Variants in ADAM22 observed in about 807,000 individuals in gnomAD.
ADAM22 encodes ADAM metallopeptidase domain 22, also known as disintegrin and metalloproteinase domain-containing protein 22.
Under a neutral mutation model 144.6 loss-of-function variants are expected in ADAM22, and 65 were observed. That is an observed-to-expected ratio of 0.45 (90% CI 0.37 to 0.55). The LOEUF (loss-of-function observed/expected upper bound fraction) is 0.55, where lower values mean the gene tolerates loss of function less well. Among genes scored for constraint, ADAM22 ranks in the 20% least tolerant of loss-of-function variants. The probability of loss-of-function intolerance (pLI) is 0.00; values close to 1 mark genes in which losing one functional copy is unlikely to be tolerated. For missense variants in ADAM22, 974 were observed against 1,184.9 expected, an observed-to-expected ratio of 0.82 and a Z score of 2.61; for synonymous variants, 391 against 412.6, an observed-to-expected ratio of 0.95 and a Z score of 0.63.
At chr7:87,991,527 C>T (rs376714710) in intron 3 of ADAM22, among the ~76,000 whole-genome samples, 8 of 151,844 alleles carry the variant, frequency 5.3e-5, no homozygotes, top group East Asian at 1.9e-4. Context: ...CCACCGCGCC[C>T]GGCTAATTTT....
chr7:87,950,172 T>C (rs1274744412), intron 2 of ADAM22, among the ~76,000 whole-genome samples: 1 of 152,050 alleles, frequency 6.6e-6, no homozygotes, highest in African/African-American at 2.4e-5. Context: ...AGTTTTAGGG[T>C]ACATGTGCAC....
At chr7:88,171,335 A>G (rs535278166) in intron 25 of ADAM22, among the ~76,000 whole-genome samples, 3 of 152,006 alleles carry the variant, frequency 2.0e-5, no homozygotes, top group South Asian at 2.1e-4. Flanking sequence ...TTGTTTGACA[A>G]TATTGTCACT....
chr7:88,151,921 T>A lies in ADAM22; in HGVS notation c.1681+601T>A, dbSNP rs572216873. On this transcript the variant is annotated intron_variant, in intron 20 of 31. Transcript: ENST00000413139. The stretch of plus-strand genomic sequence containing the variant: ...TTTAAATTATACTCTATTTAAATGT[T>A]TATTTAAATGTTGAGTAATGTATTG... Among the ~76,000 whole-genome samples the A allele has an allele frequency of 7.9e-5, 12 of 152,304 alleles. No homozygotes were observed. The East Asian group carries it at 2.1e-3, about 27-fold the overall frequency.
chr7:88,051,337 G>A (rs1806280631), intron 3 of ADAM22, among the ~76,000 whole-genome samples: 2 of 152,292 alleles, frequency 1.3e-5, no homozygotes, highest in South Asian at 4.1e-4. Context: ...TTAAGAAAAT[G>A]TGGCACATAT....
intron 20 of ADAM22, among the ~76,000 whole-genome samples, chr7:88,151,528 G>T (rs549930567): frequency 1.3e-5 from 2 of 152,336 alleles, no homozygotes; most frequent in East Asian, 3.9e-4. Flanking sequence ...AGTTGGCAGT[G>T]CCTGTGGACG....
chr7:88,098,329 A>G (rs751256805), intron 4 of ADAM22, among the ~76,000 whole-genome samples: 3 of 152,298 alleles, frequency 2.0e-5, no homozygotes, highest in Non-Finnish European at 2.9e-5. Context: ...TCCAGTTTCT[A>G]CCACTGAACC....
chr7:88,147,388 T>C (rs868313775), intron 17 of ADAM22, among the ~76,000 whole-genome samples: 3 of 152,252 alleles, frequency 2.0e-5, no homozygotes, highest in South Asian at 4.1e-4. Context: ...TAAGCCAGCA[T>C]TGGCATGCTT....
At chr7:88,010,661 T>C (rs1795146060) in intron 3 of ADAM22, among the ~76,000 whole-genome samples, 1 of 152,178 alleles carries the variant, frequency 6.6e-6, no homozygotes. Flanking sequence ...TGTGCCCACC[T>C]CAACTTTTCC....
chr7:87,946,069 C>T (rs1159441205), intron 2 of ADAM22, among the ~76,000 whole-genome samples: 1 of 151,898 alleles, frequency 6.6e-6, no homozygotes, highest in Non-Finnish European at 1.5e-5. Context: ...TAATAATAGC[C>T]ATTCTGACTG....
intron 3 of ADAM22, among the ~76,000 whole-genome samples, chr7:88,008,447 A>T (rs1794522903): frequency 6.6e-6 from 1 of 152,078 alleles, no homozygotes; most frequent in Non-Finnish European, 1.5e-5. Context: ...AGACACATGC[A>T]CACATATGTT....
At chr7:88,110,242 C>A (rs1429364957) in intron 5 of ADAM22, among the ~76,000 whole-genome samples, 1 of 152,194 alleles carries the variant, frequency 6.6e-6, no homozygotes, top group Non-Finnish European at 1.5e-5. Context: ...AAAATTGTTA[C>A]ATCTGAGCTC....
intron 3 of ADAM22, among the ~76,000 whole-genome samples, chr7:88,071,564 G>A (rs950590700): frequency 1.3e-5 from 2 of 151,806 alleles, no homozygotes; most frequent in Admixed American, 6.6e-5. Flanking sequence ...AATACTGTAC[G>A]AGCTGTCTCT....
intron 7 of ADAM22, among the ~76,000 whole-genome samples, chr7:88,117,713 A>G (rs895205767): frequency 1.1e-4 from 13 of 117,814 alleles, no homozygotes; most frequent in African/African-American, 3.8e-4. Context: ...TTTTTTTTTG[A>G]GACAAAGTCT....
At chr7:87,973,929 G>A (rs997450757) in intron 2 of ADAM22, among the ~76,000 whole-genome samples, 1 of 151,904 alleles carries the variant, frequency 6.6e-6, no homozygotes, top group Non-Finnish European at 1.5e-5. Context: ...CACACACCGG[G>A]GACTGTTGTG....
chr7:88,146,395 G>C (rs1305481636), intron 17 of ADAM22, among the ~76,000 whole-genome samples: 2 of 152,244 alleles, frequency 1.3e-5, no homozygotes, highest in Non-Finnish European at 2.9e-5. Flanking sequence ...GTGTGCCAGA[G>C]ATTATGCTAA....
At position 88,189,146 on chromosome 7, in the gene ADAM22, C is replaced by T. The variant is rs867909055; in HGVS notation, c.2750+2445C>T. Among the ~76,000 whole-genome samples the T allele has an allele frequency of 5.9e-5, 9 of 152,268 alleles. 1 individual carries two copies. The South Asian group carries it at 1.2e-3, about 21-fold the overall frequency. ...TCTGCTGTGCCCCCTTATCCAGTTT[C>T]GATATGATGGTGGTTGCTCAGGTTG... On this transcript the variant is annotated intron_variant, in intron 30 of 31. Transcript: ENST00000413139.
chr7:88,081,672 T>C (rs1177175209), intron 4 of ADAM22, among the ~76,000 whole-genome samples: 3 of 121,074 alleles, frequency 2.5e-5, no homozygotes, highest in African/African-American at 6.7e-5. Flanking sequence ...TGTCCAAAAA[T>C]CACAAGCATT....
intron 18 of ADAM22, 45 bp from the exon 19 acceptor site, chr7:88,150,936 A>G (rs1838165660): frequency 6.7e-7 from 1 of 1,487,172 alleles, no homozygotes; most frequent in African/African-American, 1.4e-5. Flanking sequence ...GCTCAGCCTT[A>G]TATTTTGCAC....
rs774578815 is a variant in ADAM22 at position 88,196,452 on chromosome 7, GCT to G, written c.2875-16_2875-15del. The G allele has an allele frequency of 1.4e-5, 23 of 1,613,788 alleles. No homozygotes were observed. In the African/African-American group the frequency reaches 2.9e-4, roughly 21 times the overall value. On this transcript the variant is annotated splice_polypyrimidine_tract_variant and intron_variant, in intron 31 of 31. Transcript: ENST00000413139. Reference sequence around the variant, plus strand: ...TCCTGCTTTCACAATGTGCAATTTTGCTCTTTTCTGTTGTGCAGCTATGGGAG... The same window carrying G: ...TCCTGCTTTCACAATGTGCAATTTTGCTTTTCTGTTGTGCAGCTATGGGAG...
Sources: allele counts gnomAD v4.1 joint callset (sites outside exome capture counted in the v4.1 genomes callset), GRCh38; gene constraint gnomAD v4.1.1; transcripts MANE v1.5; gene names NCBI Gene and HGNC (gene_info 2026-07-23, HGNC 2026-07-21).